GRM1: variants seen among roughly 807,000 people sequenced by gnomAD.
GRM1 encodes the protein glutamate metabotropic receptor 1.
A neutral mutation model predicts 90.9 loss-of-function variants in GRM1; 33 were observed. The observed-to-expected ratio is 0.36, with a 90% CI of 0.28 to 0.49. The LOEUF is 0.49. GRM1 is among the 20% of genes least tolerant of loss of function. The pLI, the probability that GRM1 is intolerant of heterozygous loss-of-function variation, is 0.99. For synonymous variants in GRM1, 700 were observed against 613.2 expected, an observed-to-expected ratio of 1.14 and a Z score of -2.09; for missense variants, 1,190 against 1,534.3, an observed-to-expected ratio of 0.78 and a Z score of 3.75.
At chr6:146,312,349 CA>C (rs1166008558) in intron 3 of GRM1, among the ~76,000 whole-genome samples, 1,201 of 21,232 alleles carry the variant, frequency 0.057, no homozygotes, top group African/African-American at 0.14. Flanking sequence ...AACTCCGTCT[CA>C]AAAAAAAAAA....
intron 5 of GRM1, among the ~76,000 whole-genome samples, chr6:146,376,825 A>G (rs1179611265): frequency 6.6e-6 from 1 of 152,140 alleles, no homozygotes; most frequent in Non-Finnish European, 1.5e-5. Context: ...CAAATGTCAA[A>G]TCGTAACTCT....
intron 1 of GRM1, among the ~76,000 whole-genome samples, chr6:146,128,619 G>C (rs1234314080): frequency 1.3e-5 from 2 of 151,996 alleles, no homozygotes; most frequent in African/African-American, 2.4e-5. Context: ...TTCTAAATTT[G>C]CTATCCAAAT....
chr6:146,114,028 T>C lies in GRM1; in HGVS notation c.701-45320T>C, dbSNP rs533158118. On this transcript the variant is annotated intron_variant, in intron 1 of 7. Coordinates refer to ENST00000282753, the MANE Select transcript of GRM1 (RefSeq NM_001278064.2). ...CAGTTTTGGATCTACATGCATGAACTCCTCCTACATAATTACTATATTTGT... is the reference window on the plus strand; with the variant it reads ...CAGTTTTGGATCTACATGCATGAACCCCTCCTACATAATTACTATATTTGT... Among the ~76,000 whole-genome samples, 6 of 152,264 alleles carry C rather than the reference T, an allele frequency of 3.9e-5. No individual in the cohort carries two copies. In the South Asian group the frequency reaches 1.2e-3, roughly 32 times the overall value.
intron 1 of GRM1, among the ~76,000 whole-genome samples, chr6:146,082,206 A>C (rs1452688551): frequency 6.6e-6 from 1 of 152,112 alleles, no homozygotes; most frequent in Non-Finnish European, 1.5e-5. Flanking sequence ...CCCAGGCTGG[A>C]GTGTGGTGGT....
intron 1 of GRM1, among the ~76,000 whole-genome samples, chr6:146,119,365 A>C (rs1227879424): frequency 2.0e-5 from 3 of 152,040 alleles, no homozygotes; most frequent in East Asian, 1.9e-4. Context: ...GAGTAGATTG[A>C]AAAAATTTTC....
Position 146,351,531 on chromosome 6 carries a change from A to C in GRM1, c.1187-719A>C, listed in dbSNP as rs546466926. Among the ~76,000 whole-genome samples, 7 of 152,282 alleles carry C rather than the reference A, an allele frequency of 4.6e-5. No homozygotes were observed. The East Asian group carries it at 1.3e-3, about 29-fold the overall frequency. Reference sequence around the variant, plus strand: ...TACCATTCTTGCAAACCTGCTTGGCAGTAGGGGAGTTTTTGATCACCTGTG... The same window carrying C: ...TACCATTCTTGCAAACCTGCTTGGCCGTAGGGGAGTTTTTGATCACCTGTG... On this transcript the variant is annotated intron_variant, in intron 3 of 7. Coordinates refer to ENST00000282753, the MANE Select transcript of GRM1 (RefSeq NM_001278064.2).
At chr6:146,261,380 G>T (rs1781690241) in intron 2 of GRM1, among the ~76,000 whole-genome samples, 1 of 152,022 alleles carries the variant, frequency 6.6e-6, no homozygotes, top group Admixed American at 6.6e-5. Context: ...GTTGTTTTGT[G>T]GATCTTCTAA....
intron 2 of GRM1, among the ~76,000 whole-genome samples, chr6:146,223,254 C>T (rs1780132197): frequency 6.6e-6 from 1 of 151,988 alleles, no homozygotes; most frequent in Non-Finnish European, 1.5e-5. Flanking sequence ...ACACTTATGC[C>T]CCAGTCTTAT....
At chr6:146,425,096 A>G (rs956487450) in intron 7 of GRM1, among the ~76,000 whole-genome samples, 6 of 152,204 alleles carry the variant, frequency 3.9e-5, no homozygotes, top group African/African-American at 1.2e-4. Context: ...TTATCTTTTG[A>G]TGAGGATTTC....
upstream of GRM1, among the ~76,000 whole-genome samples, chr6:146,028,008 C>T (rs1790553306): frequency 6.6e-6 from 1 of 152,178 alleles, no homozygotes. Context: ...TCTGCCTCAC[C>T]TCCTGTGCTC....
At chr6:146,062,703 AT>A (rs1270709553) in intron 1 of GRM1, among the ~76,000 whole-genome samples, 1 of 151,034 alleles carries the variant, frequency 6.6e-6, no homozygotes, top group African/African-American at 2.4e-5. Context: ...TCATCAATTT[AT>A]TTTTCTGTAA....
In GRM1 at chr6:146,029,925, G is replaced by A. The variant is rs151118347; in HGVS notation, c.408G>A (p.Gly136=). Residue 136 remains glycine, a synonymous_variant, in exon 1 of 8, where the codon GGG becomes GGA. Transcript: ENST00000282753. ...TTTCCATTCGAGATGAGAAGGATGGGATCAACCGGTGTCTGCCTGACGGCC... is the reference window on the plus strand; with the variant it reads ...TTTCCATTCGAGATGAGAAGGATGGAATCAACCGGTGTCTGCCTGACGGCC... The part of the protein sequence containing the change: ...SLISIRDEKD[G]INRCLPDGQS... 462 of 1,614,134 alleles carry A rather than the reference G, an allele frequency of 2.9e-4. 1 individual carries two copies. The African/African-American group carries it at 5.6e-3, about 20-fold the overall frequency.
rs1025972834 is a variant in GRM1 at position 146,306,414 on chromosome 6, C to T, written c.1186+1568C>T. The stretch of plus-strand genomic sequence containing the variant: ...CATAAGGTTAATGGCAGCAAAGAAA[C>T]GACAACCCACACCTCCTAGACAACA... On this transcript the variant is annotated intron_variant, in intron 3 of 7. Coordinates refer to ENST00000282753, the MANE Select transcript of GRM1 (RefSeq NM_001278064.2). 5.3e-5 allele frequency among the ~76,000 whole-genome samples: 8 copies of T among 152,106 alleles called. No homozygotes were observed. The East Asian group carries it at 5.8e-4, about 11-fold the overall frequency.
chr6:146,190,558 C>T (rs532306480), intron 2 of GRM1, among the ~76,000 whole-genome samples: 11 of 152,198 alleles, frequency 7.2e-5, no homozygotes, highest in East Asian at 1.9e-4. Context: ...AACGAGATTA[C>T]GGAACAGCCA....
chr6:146,375,858 A>G (rs1445791624), intron 5 of GRM1, among the ~76,000 whole-genome samples: 1 of 151,982 alleles, frequency 6.6e-6, no homozygotes, highest in Non-Finnish European at 1.5e-5. Flanking sequence ...TAGTCCATTT[A>G]CATTCCATGT....
chr6:146,121,844 AC>A (rs762877162), intron 1 of GRM1, among the ~76,000 whole-genome samples: 121 of 152,322 alleles, frequency 7.9e-4, no homozygotes, highest in Non-Finnish European at 1.4e-3. Flanking sequence ...GCAGTGCTTT[AC>A]TTCCAACTAT....
chr6:146,273,149 A>G (rs1782231517), intron 2 of GRM1, among the ~76,000 whole-genome samples: 1 of 152,354 alleles, frequency 6.6e-6, no homozygotes, highest in Non-Finnish European at 1.5e-5. Flanking sequence ...TCACCAAAAT[A>G]TAATGCCCTC....
At chr6:146,368,734 G>A (rs1272423741) in intron 5 of GRM1, among the ~76,000 whole-genome samples, 4 of 151,982 alleles carry the variant, frequency 2.6e-5, no homozygotes, top group African/African-American at 4.8e-5. Flanking sequence ...TTGATGTACT[G>A]TGGAATTTGG....
chr6:146,030,258 A>T, intron 1 of GRM1, 41 bp downstream of exon 1: 1 of 1,285,268 alleles, frequency 7.8e-7, no homozygotes. Flanking sequence ...TGAGAAAGTC[A>T]GGGCAATGCA....
Sources: gnomAD v4.1 joint callset for allele counts (sites outside exome capture counted in the v4.1 genomes callset) on GRCh38, gnomAD v4.1.1 for gene constraint, MANE v1.5 for transcripts, NCBI Gene and HGNC (gene_info 2026-07-23, HGNC 2026-07-21) for gene names.